The following KLHL29 variants were observed in gnomAD, a reference collection of about 807,000 sequenced individuals.
The protein encoded by KLHL29 is kelch-like protein 29.
Under a neutral mutation model 80.4 loss-of-function variants are expected in KLHL29, and 21 were observed. That is an observed-to-expected ratio of 0.26 (90% CI 0.19 to 0.38). KLHL29 has a LOEUF of 0.38. Among genes scored for constraint, KLHL29 ranks in the 10% least tolerant of loss-of-function variants. The pLI, the probability that KLHL29 is intolerant of heterozygous loss-of-function variation, is 1.00. For synonymous variants in KLHL29, 511 were observed against 526.8 expected, an observed-to-expected ratio of 0.97 and a Z score of 0.41; for missense variants, 867 against 1,223.9, an observed-to-expected ratio of 0.71 and a Z score of 4.35.
chr2:23,632,298 A>G (rs1296012569), intron 3 of KLHL29, among the ~76,000 whole-genome samples: 1 of 152,256 alleles, frequency 6.6e-6, no homozygotes. Context: ...CTGAGTTTCT[A>G]CCATTAGAAA....
Position 23,693,434 on chromosome 2 carries a change from A to T in KLHL29, c.1448A>T (p.Tyr483Phe), listed in dbSNP as rs1370686940. Reference sequence around the variant, plus strand: ...ATCTCCAAGGACGACTTCATCGCCTACGTCTCCAACGACAGCCTCAACACC... The same window carrying T: ...ATCTCCAAGGACGACTTCATCGCCTTCGTCTCCAACGACAGCCTCAACACC... ...LSISKDDFIAYVSNDSLNTKA... is the reference protein window; with the variant it reads ...LSISKDDFIAFVSNDSLNTKA... The change falls in exon 8 of 14, where the codon TAC becomes TTC. Residue 483 changes from tyrosine to phenylalanine, a missense_variant. By Grantham distance (22) the Tyr-to-Phe change is conservative. Around this residue, in one of 2 missense-constraint regions of KLHL29, gnomAD observed 443 missense variants for 767.0 expected, o/e 0.58. Coordinates refer to ENST00000486442, the MANE Select transcript of KLHL29 (RefSeq NM_052920.2). 1 of 1,551,610 alleles carries T rather than the reference A, an allele frequency of 6.4e-7. No individual in the cohort carries two copies. The highest frequency in any genetic ancestry group is 8.7e-7 in the Non-Finnish European group (1 of 1,146,988).
chr2:23,487,182 C>G (rs759744422), intron 2 of KLHL29, among the ~76,000 whole-genome samples: 1 of 151,960 alleles, frequency 6.6e-6, no homozygotes, highest in African/African-American at 2.4e-5. Context: ...TTGTGTGTGA[C>G]CTTTGTCTCT....
chr2:23,402,768 A>G (rs1379277788), intron 1 of KLHL29, among the ~76,000 whole-genome samples: 3 of 152,154 alleles, frequency 2.0e-5, no homozygotes, highest in Non-Finnish European at 4.4e-5. Flanking sequence ...CAGTGATTTC[A>G]CTGTAAGTTT....
rs898754146 is a variant in KLHL29 at position 23,706,808 on chromosome 2, A to G, written c.*144A>G. ...GCGCTCAACATGTTGAATATTCTCTACATTGAATGTAGAAAATCATCCTCG... is the reference window on the plus strand; with the variant it reads ...GCGCTCAACATGTTGAATATTCTCTGCATTGAATGTAGAAAATCATCCTCG... On this transcript the variant is annotated 3_prime_UTR_variant, in exon 14 of 14. Coordinates refer to ENST00000486442, the MANE Select transcript of KLHL29 (RefSeq NM_052920.2). 1.7e-5 allele frequency: 10 copies of G among 581,380 alleles called. 1 individual carries two copies. In the South Asian group the frequency reaches 2.9e-4, roughly 17 times the overall value. The allele number at this position is 581,380 out of a possible 1,614,324, so 36.0% of individuals were successfully genotyped here.
chr2:23,635,589 T>C (rs1229113706), intron 3 of KLHL29, among the ~76,000 whole-genome samples: 2 of 152,242 alleles, frequency 1.3e-5, no homozygotes, highest in East Asian at 1.9e-4. Flanking sequence ...GCCATAAAAC[T>C]GTGACCTTTG....
intron 1 of KLHL29, among the ~76,000 whole-genome samples, chr2:23,407,992 A>C (rs534261015): frequency 2.0e-5 from 3 of 150,076 alleles, no homozygotes; most frequent in African/African-American, 7.4e-5. Context: ...ACTCACTGCA[A>C]CTCCACCTCC....
At chr2:23,510,976 G>T (rs1665755043) in intron 2 of KLHL29, among the ~76,000 whole-genome samples, 2 of 152,220 alleles carry the variant, frequency 1.3e-5, no homozygotes, top group South Asian at 4.1e-4. Flanking sequence ...ATCTGCTGTG[G>T]ATGCTGTATT....
At chr2:23,568,977 G>A (rs73919765) in intron 3 of KLHL29, among the ~76,000 whole-genome samples, 2,439 of 152,302 alleles carry the variant, frequency 0.016, 66 homozygotes, top group African/African-American at 0.05. Flanking sequence ...AGCAAGGATT[G>A]TGCTGCTAGG....
intron 2 of KLHL29, among the ~76,000 whole-genome samples, chr2:23,536,918 A>ACACACCCTCTCT (rs143009876): frequency 7.1e-6 from 1 of 140,650 alleles, no homozygotes; most frequent in East Asian, 2.2e-4. Context: ...ACACACACAC[A>ACACACCCTCTCT]CTCTCTCTCT....
rs745512548 is a variant in KLHL29 at position 23,536,928 on chromosome 2, T to TCTCTCC, written c.-45-25223_-45-25222insTCTCCC. Among the ~76,000 whole-genome samples the TCTCTCC allele has an allele frequency of 1.3e-4, 18 of 137,116 alleles. No homozygotes were observed. In the South Asian group the frequency reaches 3.1e-3, roughly 23 times the overall value. The allele number at this position is 137,116 out of a possible 152,430, so 90.0% of individuals were successfully genotyped here. ...CACACACACACACACACTCTCTCTC[T>TCTCTCC]CCCTCTCTCGCTCTCTCTCTCTCCC... is the stretch of plus-strand genomic sequence containing the variant. On this transcript the variant is annotated intron_variant, in intron 2 of 13. Transcript: ENST00000486442.
At chr2:23,661,950 G>A (rs749906693) in intron 5 of KLHL29, among the ~76,000 whole-genome samples, 1 of 152,258 alleles carries the variant, frequency 6.6e-6, no homozygotes, top group African/African-American at 2.4e-5. Context: ...GCCAGTTGCT[G>A]TATCCAGCGC....
chr2:23,586,440 A>G (rs967482007), intron 3 of KLHL29, among the ~76,000 whole-genome samples: 34 of 144,906 alleles, frequency 2.3e-4, no homozygotes, highest in African/African-American at 8.6e-4. Context: ...GCTCACTGCA[A>G]CCTCCATGTC....
intron 1 of KLHL29, among the ~76,000 whole-genome samples, chr2:23,445,020 G>A (rs1330436061): frequency 6.6e-6 from 1 of 152,106 alleles, no homozygotes; most frequent in African/African-American, 2.4e-5. Context: ...TAAATGAAAT[G>A]ACATATAACA....
In KLHL29 at chr2:23,695,997, G is replaced by A; in HGVS notation, c.1788G>A (p.Gly596=). The part of the protein sequence containing the change: ...IVLVGGRQMV[G]MTQRSLVAVT... ...TGGTTGGGGGCCGTCAGATGGTGGGGATGACCCAGCGCTCGCTGGTGGCCG... is the reference window on the plus strand; with the variant it reads ...TGGTTGGGGGCCGTCAGATGGTGGGAATGACCCAGCGCTCGCTGGTGGCCG... The change falls in exon 10 of 14, where the codon GGG becomes GGA. Residue 596 remains glycine, a synonymous_variant. Coordinates refer to ENST00000486442, the MANE Select transcript of KLHL29 (RefSeq NM_052920.2). This position sits in a 1 kb window ranked among gnomAD's most constrained non-coding sequence, Gnocchi z 7.6. The A allele has an allele frequency of 6.4e-7, 1 of 1,551,704 alleles. No homozygotes were observed. Among genetic ancestry groups the A allele is most frequent in the Non-Finnish European group, 8.7e-7 (1 of 1,146,998 alleles).
intron 7 of KLHL29, among the ~76,000 whole-genome samples, chr2:23,692,882 G>A (rs1671709621): frequency 6.6e-6 from 1 of 152,192 alleles, no homozygotes; most frequent in South Asian, 2.1e-4. Context: ...CCACAGACAT[G>A]CCTGGCACAA....
chr2:23,695,874 G>A lies in KLHL29; in HGVS notation c.1741+53G>A. On this transcript the variant is annotated intron_variant, in intron 9 of 13. Coordinates refer to ENST00000486442, the MANE Select transcript of KLHL29 (RefSeq NM_052920.2). The surrounding 1 kb of genome is among the most constrained non-coding windows in gnomAD (Gnocchi z 7.6). ...CAAGAAGCAGTGTCTTGGGCTCAGTGGTTCCAGTGAGGTGCCAGGCACAGA... is the reference window on the plus strand; with the variant it reads ...CAAGAAGCAGTGTCTTGGGCTCAGTAGTTCCAGTGAGGTGCCAGGCACAGA... The A allele has an allele frequency of 6.5e-7, 1 of 1,535,376 alleles. No homozygotes were observed. The highest frequency in any genetic ancestry group is 8.8e-7 in the Non-Finnish European group (1 of 1,139,550).
intron 2 of KLHL29, among the ~76,000 whole-genome samples, chr2:23,495,228 G>C (rs923321473): frequency 2.4e-4 from 37 of 152,226 alleles, no homozygotes; most frequent in African/African-American, 8.7e-4. Context: ...AGATGTGAGG[G>C]CCTGCAGGAG....
intron 1 of KLHL29, among the ~76,000 whole-genome samples, chr2:23,450,275 G>T (rs1028617553): frequency 6.6e-6 from 1 of 152,166 alleles, no homozygotes; most frequent in African/African-American, 2.4e-5. Flanking sequence ...TGGGCAAGAC[G>T]TGCCGCCAGG....
chr2:23,572,328 A>G lies in KLHL29; in HGVS notation c.285+9847A>G, dbSNP rs569856515. Among the ~76,000 whole-genome samples, 4 of 152,302 alleles carry G rather than the reference A, an allele frequency of 2.6e-5. No homozygotes were observed. In the South Asian group the frequency reaches 8.3e-4, roughly 32 times the overall value. ...GCCCACAAAAACTCCTGTTCATCCT[A>G]CAACTGAGAGCCTAAAGGTTACCAC... On this transcript the variant is annotated intron_variant, in intron 3 of 13. Transcript: ENST00000486442.
Sources: allele counts gnomAD v4.1 joint callset (sites outside exome capture counted in the v4.1 genomes callset), GRCh38; gene constraint gnomAD v4.1.1; regional missense constraint gnomAD v4.1.1; non-coding constraint Gnocchi (gnomAD v3.1); transcripts MANE v1.5; gene names NCBI Gene and HGNC (gene_info 2026-07-23, HGNC 2026-07-21).